The following SVIL variants were observed in gnomAD, a reference collection of about 807,000 sequenced individuals.
SVIL encodes the protein supervillin.
A neutral mutation model predicts 240.4 loss-of-function variants in SVIL; 101 were observed. That is an observed-to-expected ratio of 0.42 (90% CI 0.36 to 0.50). The LOEUF is 0.50. SVIL is among the 20% of genes least tolerant of loss of function. The pLI is 0.01. For missense variants in SVIL, 2,512 were observed against 2,818.7 expected (o/e 0.89, Z 2.46); for synonymous variants, 999 against 1,100.0 (o/e 0.91, Z 1.82).
At chr10:29,482,486 G>A (rs1479220282) in intron 27 of SVIL, among the ~76,000 whole-genome samples, 1 of 152,172 alleles carries the variant, frequency 6.6e-6, no homozygotes, top group African/African-American at 2.4e-5. Flanking sequence ...ATAGGGAAGA[G>A]GTAGCTCCCT....
At chr10:29,709,278 G>T (rs938849131) in intron 1 of SVIL, among the ~76,000 whole-genome samples, 13 of 152,130 alleles carry the variant, frequency 8.5e-5, no homozygotes, top group African/African-American at 3.1e-4. Flanking sequence ...CACCCTAAGT[G>T]CTCCAATGAG....
chr10:29,542,181 T>A (rs1227647348), intron 6 of SVIL, among the ~76,000 whole-genome samples: 1 of 152,172 alleles, frequency 6.6e-6, no homozygotes, highest in African/African-American at 2.4e-5. Flanking sequence ...AGTTTGCAGA[T>A]TGGCTATTTC....
At chr10:29,705,665 G>A (rs1962838534) in intron 1 of SVIL, among the ~76,000 whole-genome samples, 1 of 152,040 alleles carries the variant, frequency 6.6e-6, no homozygotes, top group Non-Finnish European at 1.5e-5. Flanking sequence ...AGGCCCCAGT[G>A]TGTCATGTTC....
rs550331600 is a variant in SVIL, at chr10:29,557,317, T to G, written c.-50-2209A>C. ...TTCGCTATGTTATCCAGGATGGTCT[T>G]GAACTCCTAGGCTCAAGGGATCTGC... On this transcript the variant is annotated intron_variant, in intron 3 of 37. Transcript: ENST00000355867. Among the ~76,000 whole-genome samples the G allele has an allele frequency of 1.6e-3, 237 of 152,246 alleles. 2 individuals are homozygous for G. Among genetic ancestry groups the G allele is most frequent in the Non-Finnish European group, 2.7e-3 (187 of 68,012 alleles).
At chr10:29,511,357 T>G (rs1949822215) in intron 17 of SVIL, among the ~76,000 whole-genome samples, 1 of 138,522 alleles carries the variant, frequency 7.2e-6, no homozygotes, top group Non-Finnish European at 1.6e-5. Flanking sequence ...AAATTTCCAC[T>G]GGCTCTCTGG....
intron 1 of SVIL, among the ~76,000 whole-genome samples, chr10:29,718,495 T>C (rs1237132545): frequency 1.3e-5 from 2 of 152,092 alleles, no homozygotes; most frequent in African/African-American, 4.8e-5. Flanking sequence ...TTCTTAGAAA[T>C]GTAGAGTCTC....
At chr10:29,629,254 A>C (rs1215250801) in intron 1 of SVIL, among the ~76,000 whole-genome samples, 1 of 152,130 alleles carries the variant, frequency 6.6e-6, no homozygotes, top group Non-Finnish European at 1.5e-5. Flanking sequence ...TGGCATGAAA[A>C]GCCTAGAGGA....
intron 16 of SVIL, among the ~76,000 whole-genome samples, chr10:29,518,895 T>C (rs920030586): frequency 6.6e-6 from 1 of 152,100 alleles, no homozygotes; most frequent in Non-Finnish European, 1.5e-5. Context: ...TGAGAGATCA[T>C]GTACAAAATG....
chr10:29,519,797 G>A (rs1201202608), intron 16 of SVIL, among the ~76,000 whole-genome samples: 2 of 152,200 alleles, frequency 1.3e-5, no homozygotes, highest in Non-Finnish European at 2.9e-5. Flanking sequence ...ATTCTGAACA[G>A]ACTGGGCTCA....
At chr10:29,699,215 A>G (rs1254290267) in intron 1 of SVIL, among the ~76,000 whole-genome samples, 2 of 152,120 alleles carry the variant, frequency 1.3e-5, no homozygotes, top group Admixed American at 1.3e-4. Context: ...TGAAGCCTCC[A>G]ACTCCTGGGT....
At chr10:29,477,378 G>A (rs1246925077) in intron 29 of SVIL, among the ~76,000 whole-genome samples, 1 of 152,230 alleles carries the variant, frequency 6.6e-6, no homozygotes, top group African/African-American at 2.4e-5. Context: ...GCCTGGCTCA[G>A]ATCCCTGGGC....
chr10:29,618,107 C>G (rs1247418), intron 1 of SVIL, among the ~76,000 whole-genome samples: 152,271 of 152,306 alleles, frequency 1, 76,118 homozygotes, highest in Middle Eastern at 1. Flanking sequence ...ACGCAGGCAG[C>G]AGAGCACTGT....
intron 1 of SVIL, among the ~76,000 whole-genome samples, chr10:29,592,450 C>A (rs190043456): frequency 4.9e-4 from 75 of 152,286 alleles, no homozygotes; most frequent in African/African-American, 1.7e-3. Context: ...AAGCTGAATA[C>A]ATGTTGGTTT....
intron 27 of SVIL, chr10:29,482,816 A>C (rs979474364): frequency 4.6e-5 from 7 of 152,324 alleles, no homozygotes; most frequent in African/African-American, 1.7e-4. Flanking sequence ...AACATGCACG[A>C]TCTCTCATCC....
chr10:29,499,229 A>G lies in SVIL; in HGVS notation c.3551T>C (p.Ile1184Thr), dbSNP rs1948691490. 1.2e-6 allele frequency: 2 copies of G among 1,614,090 alleles called. No homozygotes were observed. The highest frequency in any genetic ancestry group is 1.7e-6 in the Non-Finnish European group (2 of 1,180,024). ...AGTGATGAGCTGCTTCCTCTCCTCA[A>G]TCGTCATTTGGCTCTCTCGACTTTC... is the stretch of plus-strand genomic sequence containing the variant. ...VTESRESQMT[I>T]EERKQLITVR... Residue 1184 changes from isoleucine (I) to threonine (T), a missense_variant, in exon 18 of 38, where the codon ATT becomes ACT. Around this residue, in one of 3 missense-constraint regions of SVIL, gnomAD observed 272 missense variants for 406.8 expected, o/e 0.67. Coordinates refer to ENST00000355867, the MANE Select transcript of SVIL (RefSeq NM_021738.3).
At chr10:29,687,288 C>G (rs1339423517) in intron 1 of SVIL, among the ~76,000 whole-genome samples, 2 of 152,242 alleles carry the variant, frequency 1.3e-5, no homozygotes, top group Non-Finnish European at 2.9e-5. Flanking sequence ...TCCACCTACC[C>G]AAAAACTCTG....
At chr10:29,562,769 GAA>G (rs34507610) in intron 3 of SVIL, among the ~76,000 whole-genome samples, 2,532 of 115,702 alleles carry the variant, frequency 0.022, 105 homozygotes, top group African/African-American at 0.073. Context: ...TCAAAAAAAA[GAA>G]AAAAAAAAAA....
At chr10:29,478,696 G>A (rs552433530) in intron 29 of SVIL, among the ~76,000 whole-genome samples, 12 of 152,108 alleles carry the variant, frequency 7.9e-5, no homozygotes, top group Admixed American at 3.9e-4. Flanking sequence ...TGAAGTGGGA[G>A]GATGGTTTGA....
intron 16 of SVIL, among the ~76,000 whole-genome samples, chr10:29,514,989 C>T (rs556657391): frequency 2.0e-5 from 3 of 152,288 alleles, no homozygotes; most frequent in African/African-American, 7.2e-5. Context: ...AGTCAAATAA[C>T]GGGAAGTAAG....
Sources: allele counts gnomAD v4.1 joint callset (sites outside exome capture counted in the v4.1 genomes callset), GRCh38; gene constraint gnomAD v4.1.1; regional missense constraint gnomAD v4.1.1; transcripts MANE v1.5; gene names NCBI Gene and HGNC (gene_info 2026-07-23, HGNC 2026-07-21).